Variants in ZNF804B observed in about 807,000 individuals in gnomAD.
The protein encoded by ZNF804B is zinc finger 804B.
A neutral mutation model predicts 101.4 loss-of-function variants in ZNF804B; 80 were observed. That is an observed-to-expected ratio of 0.79 (90% confidence interval 0.66 to 0.95). The LOEUF is 0.95. Among genes scored for constraint, ZNF804B ranks in the 40% least tolerant of loss-of-function variants. ZNF804B has a pLI of 0.00. For missense variants in ZNF804B, 1,673 were observed against 1,561.9 expected, an observed-to-expected ratio of 1.07 and a Z score of -1.20; for synonymous variants, 622 against 558.8, an observed-to-expected ratio of 1.11 and a Z score of -1.59.
At chr7:88,973,212 A>G (rs1221833260) in intron 1 of ZNF804B, among the ~76,000 whole-genome samples, 5 of 149,270 alleles carry the variant, frequency 3.3e-5, no homozygotes, top group South Asian at 2.1e-4. Flanking sequence ...TTTTTTACAT[A>G]TTGTAATCCA....
At chr7:88,825,520 T>A (rs2115769953) in intron 1 of ZNF804B, among the ~76,000 whole-genome samples, 1 of 135,582 alleles carries the variant, frequency 7.4e-6, no homozygotes, top group East Asian at 2.5e-4. Context: ...ACATGTACAG[T>A]TTCCCACAGA....
chr7:88,845,271 ATG>A (rs1554339244), intron 1 of ZNF804B, among the ~76,000 whole-genome samples: 1 of 147,418 alleles, frequency 6.8e-6, no homozygotes, highest in Non-Finnish European at 1.5e-5. Flanking sequence ...ACATATGCGC[ATG>A]TGTGCGCACG....
chr7:89,132,651 A>G (rs1790571717), intron 1 of ZNF804B, among the ~76,000 whole-genome samples: 1 of 152,066 alleles, frequency 6.6e-6, no homozygotes, highest in Non-Finnish European at 1.5e-5. Context: ...AGAATTAATG[A>G]GTTGATATAT....
intron 2 of ZNF804B, among the ~76,000 whole-genome samples, chr7:89,299,663 T>A (rs1372427032): frequency 6.6e-6 from 1 of 152,062 alleles, no homozygotes; most frequent in Non-Finnish European, 1.5e-5. Flanking sequence ...GTTTTCTTTG[T>A]GGATTAAACA....
intron 1 of ZNF804B, among the ~76,000 whole-genome samples, chr7:88,783,241 C>T (rs1363425948): frequency 6.6e-6 from 1 of 152,076 alleles, no homozygotes; most frequent in East Asian, 1.9e-4. Flanking sequence ...GTCGTTTGTG[C>T]TTTGTGAGAT....
chr7:89,055,772 T>TG (rs1333794982), intron 1 of ZNF804B, among the ~76,000 whole-genome samples: 5 of 151,952 alleles, frequency 3.3e-5, no homozygotes, highest in African/African-American at 7.2e-5. Context: ...GGAGGTTTGC[T>TG]GCAAAAAATC....
intron 2 of ZNF804B, among the ~76,000 whole-genome samples, chr7:89,304,232 A>G (rs1184721479): frequency 6.6e-6 from 1 of 151,888 alleles, no homozygotes; most frequent in Non-Finnish European, 1.5e-5. Flanking sequence ...CCTAACTTTA[A>G]TAAGCAACAA....
intron 1 of ZNF804B, among the ~76,000 whole-genome samples, chr7:88,877,712 C>T (rs1023710354): frequency 3.3e-5 from 5 of 151,916 alleles, no homozygotes; most frequent in Admixed American, 6.6e-5. Context: ...GAATTTATAG[C>T]GGGGAAAAAT....
At chr7:88,879,993 C>T (rs561128636) in intron 1 of ZNF804B, among the ~76,000 whole-genome samples, 2 of 151,624 alleles carry the variant, frequency 1.3e-5, no homozygotes, top group South Asian at 4.2e-4. Context: ...GAGCCAAGAT[C>T]GTGCCACTGC....
At chr7:88,995,719 T>G (rs147551565) in intron 1 of ZNF804B, among the ~76,000 whole-genome samples, 1 of 152,106 alleles carries the variant, frequency 6.6e-6, no homozygotes, top group Non-Finnish European at 1.5e-5. Flanking sequence ...AAAGAGTAAC[T>G]TCACAGTAGA....
At chr7:88,971,792 G>A (rs1793541340) in intron 1 of ZNF804B, among the ~76,000 whole-genome samples, 1 of 151,440 alleles carries the variant, frequency 6.6e-6, no homozygotes, top group Non-Finnish European at 1.5e-5. Context: ...AAAATGCATT[G>A]CACCAGAATT....
intron 2 of ZNF804B, among the ~76,000 whole-genome samples, chr7:89,224,795 T>C (rs1789061505): frequency 6.6e-6 from 1 of 151,500 alleles, no homozygotes; most frequent in Admixed American, 6.6e-5. Context: ...CCAGCAGTAG[T>C]TGCAACCTTT....
At chr7:89,077,663 T>A (rs1160838627) in intron 1 of ZNF804B, among the ~76,000 whole-genome samples, 1 of 152,128 alleles carries the variant, frequency 6.6e-6, no homozygotes, top group Admixed American at 6.6e-5. Context: ...ACTTAAAAAA[T>A]TTCTGTCTTT....
At chr7:89,100,595 A>C (rs1454994105) in intron 1 of ZNF804B, among the ~76,000 whole-genome samples, 2 of 152,138 alleles carry the variant, frequency 1.3e-5, no homozygotes, top group Non-Finnish European at 2.9e-5. Flanking sequence ...ATAATATATA[A>C]GGTGTTCAAA....
chr7:89,260,602 C>A (rs2115811615), intron 2 of ZNF804B, among the ~76,000 whole-genome samples: 1 of 152,192 alleles, frequency 6.6e-6, no homozygotes, highest in Non-Finnish European at 1.5e-5. Context: ...TTTCTCAAAT[C>A]ACATTAGAAT....
At chr7:88,838,274 A>G (rs1374025419) in intron 1 of ZNF804B, among the ~76,000 whole-genome samples, 3 of 151,912 alleles carry the variant, frequency 2.0e-5, no homozygotes, top group Non-Finnish European at 4.4e-5. Flanking sequence ...TAGATAATGG[A>G]AAAATGAGAC....
chr7:89,042,347 C>T (rs1255873995), intron 1 of ZNF804B, among the ~76,000 whole-genome samples: 1 of 152,036 alleles, frequency 6.6e-6, no homozygotes, highest in Non-Finnish European at 1.5e-5. Flanking sequence ...ATGAAAGAAA[C>T]CAGTTTGAGG....
At chr7:89,295,321 G>A (rs1355264463) in intron 2 of ZNF804B, among the ~76,000 whole-genome samples, 1 of 152,138 alleles carries the variant, frequency 6.6e-6, no homozygotes, top group Non-Finnish European at 1.5e-5. Flanking sequence ...ATGTAGTACA[G>A]TTGCTCAAAA....
intron 1 of ZNF804B, among the ~76,000 whole-genome samples, chr7:89,136,127 T>C (rs559793299): frequency 3.5e-4 from 53 of 152,254 alleles, no homozygotes; most frequent in African/African-American, 1.2e-3. Flanking sequence ...TATAAGATTT[T>C]TAGTATAACT....
Sources: allele counts gnomAD v4.1 joint callset (sites outside exome capture counted in the v4.1 genomes callset), GRCh38; gene constraint gnomAD v4.1.1; transcripts MANE v1.5; gene names NCBI Gene and HGNC (gene_info 2026-07-23, HGNC 2026-07-21).